The following SRGAP1 variants were observed in gnomAD, a reference collection of about 807,000 sequenced individuals.
SRGAP1 encodes the protein SLIT-ROBO Rho GTPase-activating protein 1.
Under a neutral mutation model 121.9 loss-of-function variants are expected in SRGAP1, and 43 were observed. The observed-to-expected ratio is 0.35, with a 90% CI of 0.28 to 0.46. The LOEUF is 0.46. Among genes scored for constraint, SRGAP1 ranks in the 20% least tolerant of loss-of-function variants. The probability of loss-of-function intolerance (pLI) is 1.00; values close to 1 mark genes in which losing one functional copy is unlikely to be tolerated. For missense variants in SRGAP1, 1,102 were observed against 1,350.9 expected, an observed-to-expected ratio of 0.82 and a Z score of 2.89; for synonymous variants, 447 against 485.4, an observed-to-expected ratio of 0.92 and a Z score of 1.04.
At chr12:64,067,278 T>C (rs1425346803) in intron 8 of SRGAP1, among the ~76,000 whole-genome samples, 1 of 152,224 alleles carries the variant, frequency 6.6e-6, no homozygotes, top group Non-Finnish European at 1.5e-5. Context: ...TTGTGAGGGT[T>C]AATTTTTAAA....
chr12:64,035,045 GAAAAAA>G (rs67727865), intron 4 of SRGAP1, among the ~76,000 whole-genome samples: 6 of 140,654 alleles, frequency 4.3e-5, no homozygotes, highest in African/African-American at 8.0e-5. Context: ...CTGGGAACAA[GAAAAAA>G]AAAAAAAAAA....
chr12:63,934,904 T>C (rs2031612044), intron 1 of SRGAP1, among the ~76,000 whole-genome samples: 1 of 152,230 alleles, frequency 6.6e-6, no homozygotes, highest in Admixed American at 6.5e-5. Flanking sequence ...ACTCGTGTGT[T>C]TCAATGTAGA....
rs1217004061 is a variant in SRGAP1, at chr12:64,127,883, C to T, written c.2563C>T (p.Pro855Ser). Residue 855 changes from proline (P) to serine (S), a missense_variant, in exon 21 of 22, where the codon CCC becomes TCC. Physicochemically the swap from Pro to Ser is moderately conservative, Grantham distance 74 (BLOSUM62 -1). Around this residue, in one of 3 missense-constraint regions of SRGAP1, gnomAD observed 315 missense variants for 343.1 expected, o/e 0.92. Coordinates refer to ENST00000355086, the MANE Select transcript of SRGAP1 (RefSeq NM_020762.4). ...LARQRKRGEP[P>S]PPVRRPGRTS... ...TAGGCAACGAAAAAGAGGAGAGCCA[C>T]CCCCTCCAGTAAGGCGTCCTGGCAG... The T allele has an allele frequency of 6.2e-7, 1 of 1,611,926 alleles. No individual in the cohort carries two copies. Among genetic ancestry groups the T allele is most frequent in the Non-Finnish European group, 8.5e-7 (1 of 1,178,588 alleles).
intron 4 of SRGAP1, among the ~76,000 whole-genome samples, chr12:64,027,291 C>T (rs2034673890): frequency 6.6e-6 from 1 of 152,100 alleles, no homozygotes; most frequent in Non-Finnish European, 1.5e-5. Flanking sequence ...TCTTAGCCCA[C>T]ATGCTGTACT....
At chr12:64,031,950 C>T (rs1338318068) in intron 4 of SRGAP1, among the ~76,000 whole-genome samples, 2 of 152,130 alleles carry the variant, frequency 1.3e-5, no homozygotes, top group Non-Finnish European at 2.9e-5. Context: ...GGACCAAAAT[C>T]CAGGTTTGTT....
intron 6 of SRGAP1, 145 bp downstream of exon 6, chr12:64,043,720 C>A: frequency 1.7e-6 from 1 of 593,562 alleles, no homozygotes. Flanking sequence ...TTTAAATTAT[C>A]CGTAATATGA....
At chr12:64,047,050 G>GTAAC (rs2035144834) in intron 6 of SRGAP1, among the ~76,000 whole-genome samples, 2 of 152,100 alleles carry the variant, frequency 1.3e-5, no homozygotes, top group Admixed American at 1.3e-4. Flanking sequence ...ACCTAAATAA[G>GTAAC]TAACTGTTAA....
intron 1 of SRGAP1, among the ~76,000 whole-genome samples, chr12:63,872,908 A>G (rs1432725928): frequency 6.6e-6 from 1 of 152,188 alleles, no homozygotes; most frequent in Admixed American, 6.5e-5. Flanking sequence ...GGGAGAGTAC[A>G]ATACAAACTC....
At chr12:63,981,779 G>GACTCCCCAGAAA (rs946679614) in intron 1 of SRGAP1, among the ~76,000 whole-genome samples, 3 of 152,170 alleles carry the variant, frequency 2.0e-5, no homozygotes, top group Non-Finnish European at 4.4e-5. Flanking sequence ...TTTCCCCCAG[G>GACTCCCCAGAAA]ACTCCCCAGA....
chr12:64,114,192 T>C (rs765362699), intron 17 of SRGAP1, among the ~76,000 whole-genome samples: 4 of 152,322 alleles, frequency 2.6e-5, no homozygotes, highest in South Asian at 2.1e-4. Flanking sequence ...AAATATTTAC[T>C]TGAGTACTTA....
intron 1 of SRGAP1, among the ~76,000 whole-genome samples, chr12:63,862,004 C>G (rs1027250587): frequency 6.6e-6 from 1 of 151,998 alleles, no homozygotes; most frequent in Non-Finnish European, 1.5e-5. Flanking sequence ...GCCTGTAATC[C>G]CAGCTACTCA....
chr12:64,023,661 C>T (rs181503997), intron 4 of SRGAP1, among the ~76,000 whole-genome samples: 1 of 152,296 alleles, frequency 6.6e-6, no homozygotes, highest in Non-Finnish European at 1.5e-5. Flanking sequence ...CTCTATGCAT[C>T]AGCAGCACAC....
At chr12:64,073,788 A>AT (rs1222086183) in intron 8 of SRGAP1, among the ~76,000 whole-genome samples, 1 of 151,308 alleles carries the variant, frequency 6.6e-6, no homozygotes, top group Non-Finnish European at 1.5e-5. Flanking sequence ...AAAAAAAAAA[A>AT]CCTGACTGTA....
rs1041922402 is a variant in SRGAP1 at position 64,142,901 on chromosome 12, A to G, written c.*229A>G. 1.1e-4 allele frequency: 60 copies of G among 561,214 alleles called. No individual in the cohort carries two copies. The highest frequency in any genetic ancestry group is 1.3e-4 in the Non-Finnish European group (42 of 325,466). The allele number at this position is 561,214 out of a possible 1,614,324, so 34.8% of individuals were successfully genotyped here. On this transcript the variant is annotated 3_prime_UTR_variant, in exon 22 of 22. Transcript: ENST00000355086. ...ATATGTCATTTTAAGGACAATAGAA[A>G]CACTTAGACTTACTTGAAAATCCAA...
chr12:64,036,223 G>A lies in SRGAP1; in HGVS notation c.490-6567G>A, dbSNP rs550934553. ...CCGCCAGAGAGACAGCTTGCCCAAA[G>A]AGAGGCTGTGACCTGGAGGGAGGTA... On this transcript the variant is annotated intron_variant, in intron 4 of 21. Transcript: ENST00000355086. Among the ~76,000 whole-genome samples, 81 of 152,302 alleles carry A rather than the reference G, an allele frequency of 5.3e-4. 1 individual carries two copies. In the East Asian group the frequency reaches 7.9e-3, roughly 15 times the overall value.
intron 4 of SRGAP1, among the ~76,000 whole-genome samples, chr12:64,022,714 A>G (rs1303622912): frequency 1.3e-5 from 2 of 152,180 alleles, no homozygotes; most frequent in African/African-American, 2.4e-5. Flanking sequence ...CAGTTTTCTC[A>G]TCTGTAAAAT....
At chr12:64,138,835 A>C (rs1367487095) in intron 21 of SRGAP1, among the ~76,000 whole-genome samples, 3 of 152,306 alleles carry the variant, frequency 2.0e-5, no homozygotes, top group South Asian at 2.1e-4. Flanking sequence ...TTGATATGAG[A>C]GTATTCAGTT....
Position 64,148,021 on chromosome 12 carries a change from C to T in SRGAP1, c.*5349C>T. The T allele has an allele frequency of 5.9e-6, 1 of 169,012 alleles. No individual in the cohort carries two copies. Among genetic ancestry groups the T allele is most frequent in the Non-Finnish European group, 1.3e-5 (1 of 79,424 alleles). The allele number at this position is 169,012 out of a possible 1,614,324, so 10.5% of individuals were successfully genotyped here. On this transcript the variant is annotated 3_prime_UTR_variant, in exon 22 of 22. Transcript: ENST00000355086. Reference sequence around the variant, plus strand: ...GAAATAGGGTGTCCTGCACAGGGCCCTGCCCATGAAGCTGTGGTTTTTCAG... The same window carrying T: ...GAAATAGGGTGTCCTGCACAGGGCCTTGCCCATGAAGCTGTGGTTTTTCAG...
At chr12:64,104,797 CT>C (rs2036314251) in intron 15 of SRGAP1, among the ~76,000 whole-genome samples, 1 of 152,092 alleles carries the variant, frequency 6.6e-6, no homozygotes. Context: ...CCTCATATAA[CT>C]TTATCTAGTT....
Sources: allele counts gnomAD v4.1 joint callset (sites outside exome capture counted in the v4.1 genomes callset), GRCh38; gene constraint gnomAD v4.1.1; regional missense constraint gnomAD v4.1.1; transcripts MANE v1.5; gene names NCBI Gene and HGNC (gene_info 2026-07-23, HGNC 2026-07-21).